The following KCND2 variants were observed in gnomAD, a reference collection of about 807,000 sequenced individuals.
KCND2 encodes the protein A-type voltage-gated potassium channel KCND2.
In KCND2, 16 loss-of-function variants were observed where a neutral mutation model predicts 54.4. The observed-to-expected ratio is 0.29, with a 90% CI of 0.20 to 0.45. KCND2 has a LOEUF of 0.45. Among genes scored for constraint, KCND2 ranks in the 20% least tolerant of loss-of-function variants. The pLI is 1.00. For missense variants in KCND2, 486 were observed against 824.2 expected (o/e 0.59, Z 5.02); for synonymous variants, 317 against 310.7 (o/e 1.02, Z -0.21).
chr7:120,422,783 C>T (rs1801645628), intron 1 of KCND2, among the ~76,000 whole-genome samples: 1 of 152,196 alleles, frequency 6.6e-6, no homozygotes, highest in Non-Finnish European at 1.5e-5. Flanking sequence ...TGGCCCTCAA[C>T]ACAGCTATTT....
At chr7:120,453,325 T>C (rs1008773267) in intron 1 of KCND2, among the ~76,000 whole-genome samples, 1 of 152,130 alleles carries the variant, frequency 6.6e-6, no homozygotes, top group Non-Finnish European at 1.5e-5. Context: ...GGAGCACACA[T>C]ATGGACTCCA....
chr7:120,618,136 G>A (rs1306082209), intron 1 of KCND2, among the ~76,000 whole-genome samples: 2 of 152,102 alleles, frequency 1.3e-5, no homozygotes, highest in African/African-American at 4.8e-5. Flanking sequence ...TAAAAAACCT[G>A]CGCATGTACC....
chr7:120,537,578 GT>G (rs1247195389), intron 1 of KCND2, among the ~76,000 whole-genome samples: 5 of 152,192 alleles, frequency 3.3e-5, no homozygotes, highest in Admixed American at 3.3e-4. Flanking sequence ...ATAGAAGGTT[GT>G]TTCATTTACA....
chr7:120,719,134 T>C (rs972252884), intron 1 of KCND2, among the ~76,000 whole-genome samples: 4 of 152,174 alleles, frequency 2.6e-5, no homozygotes, highest in African/African-American at 9.6e-5. Context: ...TTATTTGCTT[T>C]TAGCTTTTAC....
chr7:120,733,139 G>A lies in KCND2; in HGVS notation c.1278+74G>A, dbSNP rs938212459. The A allele has an allele frequency of 4.1e-6, 6 of 1,473,000 alleles. No individual in the cohort carries two copies. In the African/African-American group the frequency reaches 5.6e-5, roughly 14 times the overall value. The allele number at this position is 1,473,000 out of a possible 1,614,324, so 91.2% of individuals were successfully genotyped here. Reference sequence around the variant, plus strand: ...ATAATGAGCTTTAAAATTTCTTAATGGTTATTCAGTGCTCTGGATTGGTCA... The same window carrying A: ...ATAATGAGCTTTAAAATTTCTTAATAGTTATTCAGTGCTCTGGATTGGTCA... On this transcript the variant is annotated intron_variant, in intron 2 of 5. Transcript: ENST00000331113.
chr7:120,415,506 T>A (rs570031185), intron 1 of KCND2, among the ~76,000 whole-genome samples: 9,135 of 152,172 alleles, frequency 0.06, 835 homozygotes, highest in African/African-American at 0.21. Context: ...CACTGTTTTA[T>A]TTTTTTCTAT....
intron 1 of KCND2, among the ~76,000 whole-genome samples, chr7:120,446,568 A>G (rs941785533): frequency 1.5e-4 from 23 of 152,138 alleles, no homozygotes; most frequent in East Asian, 7.7e-4. Context: ...ACACACATAC[A>G]CATACACATA....
At chr7:120,566,690 A>T (rs1376549649) in intron 1 of KCND2, among the ~76,000 whole-genome samples, 1 of 152,064 alleles carries the variant, frequency 6.6e-6, no homozygotes, top group Non-Finnish European at 1.5e-5. Context: ...AAGGGTCGCT[A>T]AGGCTCAGAA....
At chr7:120,296,834 A>T (rs1799519677) in intron 1 of KCND2, among the ~76,000 whole-genome samples, 1 of 152,080 alleles carries the variant, frequency 6.6e-6, no homozygotes, top group Non-Finnish European at 1.5e-5. Context: ...AAGAATAAAC[A>T]ATTAGAATGC....
intron 1 of KCND2, among the ~76,000 whole-genome samples, chr7:120,455,388 T>A (rs920150066): frequency 1.3e-5 from 2 of 152,118 alleles, no homozygotes; most frequent in Admixed American, 1.3e-4. Flanking sequence ...CTGGTGAGAA[T>A]GTAAATTAGT....
At chr7:120,517,210 T>C (rs1803208674) in intron 1 of KCND2, among the ~76,000 whole-genome samples, 2 of 152,228 alleles carry the variant, frequency 1.3e-5, no homozygotes, top group South Asian at 4.2e-4. Flanking sequence ...GTGATTTTTT[T>C]CTGTGAATTT....
intron 1 of KCND2, among the ~76,000 whole-genome samples, chr7:120,331,372 C>CT (rs938145804): frequency 4.2e-4 from 62 of 148,442 alleles, no homozygotes; most frequent in African/African-American, 1.3e-3. Flanking sequence ...TTCCTTATCT[C>CT]TTTTTTTTGA....
intron 2 of KCND2, among the ~76,000 whole-genome samples, chr7:120,737,429 C>A (rs769388295): frequency 6.6e-6 from 1 of 151,850 alleles, no homozygotes; most frequent in Non-Finnish European, 1.5e-5. Context: ...CAGTTCTCAC[C>A]GCTTCCACCA....
chr7:120,324,125 C>A (rs1799938120), intron 1 of KCND2, among the ~76,000 whole-genome samples: 1 of 151,398 alleles, frequency 6.6e-6, no homozygotes, highest in Non-Finnish European at 1.5e-5. Context: ...TCATGTCCTT[C>A]ACCCACTTTT....
chr7:120,682,243 A>G (rs747718069), intron 1 of KCND2, among the ~76,000 whole-genome samples: 15 of 152,090 alleles, frequency 9.9e-5, no homozygotes, highest in African/African-American at 2.4e-5. Context: ...TACATAAGTT[A>G]TTTCTCTCAG....
chr7:120,398,704 T>C (rs2116073034), intron 1 of KCND2, among the ~76,000 whole-genome samples: 1 of 152,286 alleles, frequency 6.6e-6, no homozygotes, highest in African/African-American at 2.4e-5. Flanking sequence ...GTTTTGTGTC[T>C]ACCTTGAATG....
chr7:120,350,312 A>C (rs2116381924), intron 1 of KCND2, among the ~76,000 whole-genome samples: 1 of 152,238 alleles, frequency 6.6e-6, no homozygotes, highest in Non-Finnish European at 1.5e-5. Flanking sequence ...TCATAACTCA[A>C]GAAAGTGAAA....
intron 1 of KCND2, among the ~76,000 whole-genome samples, chr7:120,423,906 A>T (rs965051870): frequency 6.6e-6 from 1 of 152,306 alleles, no homozygotes; most frequent in Admixed American, 6.5e-5. Flanking sequence ...CAGATATAAA[A>T]CTTTTGAATA....
chr7:120,611,360 T>A (rs1217376771), intron 1 of KCND2, among the ~76,000 whole-genome samples: 2 of 152,240 alleles, frequency 1.3e-5, no homozygotes, highest in Non-Finnish European at 2.9e-5. Flanking sequence ...ACATGACCTT[T>A]CAAAGGTAAT....
Sources: allele counts gnomAD v4.1 joint callset (sites outside exome capture counted in the v4.1 genomes callset), GRCh38; gene constraint gnomAD v4.1.1; transcripts MANE v1.5; gene names NCBI Gene and HGNC (gene_info 2026-07-23, HGNC 2026-07-21).